Variants in TMED3 observed in about 807,000 individuals in gnomAD.
TMED3 encodes the protein transmembrane p24 trafficking protein 3.
In TMED3, 9 loss-of-function variants were observed where a neutral mutation model predicts 15.0. The ratio of observed to expected loss-of-function variants is 0.60; its 90% CI spans 0.36 to 1.04. The LOEUF (loss-of-function observed/expected upper bound fraction) is 1.04. Among genes scored for constraint, TMED3 ranks in the 50% least tolerant of loss-of-function variants. TMED3 has a pLI of 0.01. For missense variants in TMED3, 267 were observed against 278.9 expected (o/e 0.96, Z 0.30); for synonymous variants, 117 against 121.4 (o/e 0.96, Z 0.24).
intron 2 of TMED3, among the ~76,000 whole-genome samples, chr15:79,329,721 A>G (rs2058800592): frequency 6.6e-6 from 1 of 152,064 alleles, no homozygotes; most frequent in Non-Finnish European, 1.5e-5. Flanking sequence ...GCTGAATAAA[A>G]CCATATTTCA....
chr15:79,371,676 A>AG (rs1893342504), intron 2 of TMED3, among the ~76,000 whole-genome samples: 2 of 152,146 alleles, frequency 1.3e-5, no homozygotes, highest in African/African-American at 4.8e-5. Flanking sequence ...AGTTCCTGGG[A>AG]GGGGGGTCTT....
chr15:79,339,989 C>T (rs1169765735), intron 2 of TMED3, among the ~76,000 whole-genome samples: 2 of 152,030 alleles, frequency 1.3e-5, no homozygotes, highest in African/African-American at 4.8e-5. Context: ...ACACACACTA[C>T]TGCATAATAT....
chr15:79,357,186 T>A (rs576075616), intron 2 of TMED3, among the ~76,000 whole-genome samples: 5 of 152,050 alleles, frequency 3.3e-5, no homozygotes, highest in African/African-American at 1.2e-4. Context: ...TTTCATATTT[T>A]AAAAAAACAA....
intron 2 of TMED3, among the ~76,000 whole-genome samples, chr15:79,358,503 T>C (rs1284133253): frequency 6.6e-6 from 1 of 152,118 alleles, no homozygotes; most frequent in African/African-American, 2.4e-5. Context: ...CTGGCTGGGA[T>C]GGAAGCTGGG....
chr15:79,357,269 G>A (rs1412532033), intron 2 of TMED3, among the ~76,000 whole-genome samples: 1 of 151,454 alleles, frequency 6.6e-6, no homozygotes, highest in African/African-American at 2.4e-5. Context: ...AGGATCGCTT[G>A]ATCCCAGGAA....
intron 2 of TMED3, among the ~76,000 whole-genome samples, chr15:79,375,527 T>C (rs1469021745): frequency 6.6e-6 from 1 of 152,236 alleles, no homozygotes; most frequent in East Asian, 1.9e-4. Flanking sequence ...CTGCAGGCTA[T>C]AGAGTATCCA....
intron 2 of TMED3, among the ~76,000 whole-genome samples, chr15:79,410,698 G>GTATATATATATATATATATA (rs71150909): frequency 1.3e-5 from 2 of 148,922 alleles, no homozygotes; most frequent in African/African-American, 4.9e-5. Flanking sequence ...ATGTGTGTGT[G>GTATATATATATATATATATA]TATATATATA....
chr15:79,385,269 TG>T (rs1364143056), intron 2 of TMED3, among the ~76,000 whole-genome samples: 1 of 152,158 alleles, frequency 6.6e-6, no homozygotes, highest in Non-Finnish European at 1.5e-5. Flanking sequence ...ACTCTGGCCC[TG>T]GGATCCCCAT....
intron 1 of TMED3, among the ~76,000 whole-genome samples, chr15:79,311,721 C>T (rs933209817): frequency 6.6e-6 from 1 of 152,176 alleles, no homozygotes. Context: ...CCGCAGGCCC[C>T]CGAGACACTA....
At chr15:79,353,329 A>G (rs1034959039) in intron 2 of TMED3, among the ~76,000 whole-genome samples, 6 of 80,528 alleles carry the variant, frequency 7.5e-5, no homozygotes, top group Non-Finnish European at 1.4e-4. Context: ...TATATATAAT[A>G]TATATTATGT....
At chr15:79,378,561 C>T (rs34849369) in intron 2 of TMED3, among the ~76,000 whole-genome samples, 16,887 of 152,202 alleles carry the variant, frequency 0.11, 1,010 homozygotes, top group Admixed American at 0.14. Context: ...TGCTTCCTTT[C>T]TATGGGTGAG....
At chr15:79,340,716 T>C (rs2058848640) in intron 2 of TMED3, among the ~76,000 whole-genome samples, 1 of 152,230 alleles carries the variant, frequency 6.6e-6, no homozygotes, top group Admixed American at 6.5e-5. Context: ...GTATCATGGA[T>C]GCATTCATTC....
chr15:79,395,568 C>A (rs888695050), intron 2 of TMED3, among the ~76,000 whole-genome samples: 1 of 152,140 alleles, frequency 6.6e-6, no homozygotes, highest in Non-Finnish European at 1.5e-5. Flanking sequence ...CTTCCCCCAA[C>A]CATGGATAAG....
intron 2 of TMED3, among the ~76,000 whole-genome samples, chr15:79,388,820 G>C (rs956279046): frequency 1.3e-5 from 2 of 152,068 alleles, no homozygotes; most frequent in African/African-American, 2.4e-5. Flanking sequence ...ATTGGGTTTC[G>C]ATTTGCATTT....
chr15:79,319,696 C>T (rs1404558927), intron 2 of TMED3, among the ~76,000 whole-genome samples: 1 of 152,078 alleles, frequency 6.6e-6, no homozygotes. Context: ...GGATACAAGA[C>T]AAAGGGGCAG....
chr15:79,376,203 G>T (rs1043191580), intron 2 of TMED3, among the ~76,000 whole-genome samples: 2 of 147,208 alleles, frequency 1.4e-5, no homozygotes, highest in African/African-American at 5.1e-5. Flanking sequence ...TCCGCCTCCC[G>T]GGTTCACGCA....
intron 2 of TMED3, among the ~76,000 whole-genome samples, chr15:79,386,405 G>A (rs1391964045): frequency 6.6e-6 from 1 of 152,118 alleles, no homozygotes; most frequent in Non-Finnish European, 1.5e-5. Context: ...CAAAAAGTTT[G>A]TCTGATCATT....
chr15:79,355,977 T>C (rs1420226032), intron 2 of TMED3, among the ~76,000 whole-genome samples: 1 of 152,236 alleles, frequency 6.6e-6, no homozygotes, highest in African/African-American at 2.4e-5. Context: ...AACATCATTA[T>C]TATAAACTAA....
intron 2 of TMED3, among the ~76,000 whole-genome samples, chr15:79,315,360 C>T (rs1254507362): frequency 6.6e-6 from 1 of 152,194 alleles, no homozygotes; most frequent in Non-Finnish European, 1.5e-5. Flanking sequence ...GTTCCATTGT[C>T]CAAAACTGGG....
Sources: gnomAD v4.1 joint callset for allele counts (sites outside exome capture counted in the v4.1 genomes callset) on GRCh38, gnomAD v4.1.1 for gene constraint, MANE v1.5 for transcripts, NCBI Gene and HGNC (gene_info 2026-07-23, HGNC 2026-07-21) for gene names.